Variants in DCLK3 observed in about 807,000 individuals in gnomAD.
DCLK3 encodes the protein serine/threonine-protein kinase DCLK3.
A neutral mutation model predicts 46.4 loss-of-function variants in DCLK3; 30 were observed. The observed-to-expected ratio is 0.65, with a 90% CI of 0.48 to 0.88. The LOEUF is 0.88. Ranked by LOEUF, DCLK3 falls within the 40% of genes least tolerant of loss-of-function variation. The pLI, the probability that DCLK3 is intolerant of heterozygous loss-of-function variation, is 0.00. For synonymous variants in DCLK3, 401 were observed against 339.2 expected, an observed-to-expected ratio of 1.18 and a Z score of -2.00; for missense variants, 846 against 907.1, an observed-to-expected ratio of 0.93 and a Z score of 0.87.
At position 36,738,875 on chromosome 3, in the gene DCLK3, T is replaced by C. The variant is rs1701308329; in HGVS notation, c.292A>G (p.Thr98Ala). The C allele has an allele frequency of 2.0e-6, 1 of 491,474 alleles. No individual in the cohort carries two copies. Among genetic ancestry groups the C allele is most frequent in the Admixed American group, 4.3e-5 (1 of 22,996 alleles). The allele number at this position is 491,474 out of a possible 1,614,324, so 30.4% of individuals were successfully genotyped here. A position where few individuals can be genotyped will look rare whatever the true frequency, so the allele number is the denominator to read the frequency against. ...CGCTGCCCACCCAGCTTCACTACGG[T>C]CACGACCCTGGGCTTCAGAGGGCTG... ...ENSPLKPRVV[T>A]VVKLGGQRPR... is the part of the protein sequence containing the mutation. Residue 98 changes from threonine to alanine, a missense_variant, in exon 2 of 5, where the codon ACC becomes GCC. By Grantham distance (58) the Thr-to-Ala change is moderately conservative (BLOSUM62 0). Around this residue, in one of 3 missense-constraint regions of DCLK3, gnomAD observed 553 missense variants for 543.0 expected, o/e 1.02. Transcript: ENST00000636136.
chr3:36,760,021 G>T (rs1211098584), intron 1 of DCLK3, among the ~76,000 whole-genome samples: 1 of 152,230 alleles, frequency 6.6e-6, no homozygotes, highest in Non-Finnish European at 1.5e-5. Flanking sequence ...GCAAGAGCAG[G>T]CAGTATTTGG....
intron 2 of DCLK3, among the ~76,000 whole-genome samples, chr3:36,726,646 G>T (rs1701128624): frequency 6.6e-6 from 1 of 152,162 alleles, no homozygotes; most frequent in South Asian, 2.1e-4. Flanking sequence ...GTTTCTGCCA[G>T]TGAGCTTACA....
In DCLK3 at chr3:36,764,348, C is replaced by G. The variant is rs1439541461; in HGVS notation, c.-85G>C. ...CGACGGTCGAGCAGGCGCGGGAAGG[C>G]GGGGCGAGACGAGCAGCCACGAGCC... On this transcript the variant is annotated 5_prime_UTR_variant, in exon 1 of 5. Transcript: ENST00000636136. The surrounding 1 kb of genome is among the most constrained non-coding windows in gnomAD (Gnocchi z 4.9). 1 of 193,544 alleles carries G rather than the reference C, an allele frequency of 5.2e-6. No individual in the cohort carries two copies. Among genetic ancestry groups the G allele is most frequent in the Non-Finnish European group, 1.0e-5 (1 of 96,532 alleles). 12.0% of individuals were successfully genotyped at this position (193,544 alleles called of 1,614,324 possible).
At chr3:36,729,314 G>A (rs1424543233) in intron 2 of DCLK3, among the ~76,000 whole-genome samples, 1 of 149,830 alleles carries the variant, frequency 6.7e-6, no homozygotes, top group Non-Finnish European at 1.5e-5. Context: ...ACATCTCCCT[G>A]TATCTCTTTT....
chr3:36,719,854 C>A (rs142371859), intron 3 of DCLK3, among the ~76,000 whole-genome samples: 1 of 152,354 alleles, frequency 6.6e-6, no homozygotes, highest in Non-Finnish European at 1.5e-5. Flanking sequence ...GGTGCTACCA[C>A]CAATATGTGG....
chr3:36,724,320 G>A (rs566912342), intron 2 of DCLK3, among the ~76,000 whole-genome samples: 31 of 152,354 alleles, frequency 2.0e-4, no homozygotes, highest in African/African-American at 6.0e-4. Context: ...TGTCTTGGAT[G>A]AGACTTTGGA....
In DCLK3 at chr3:36,764,148, A is replaced by C. The variant is rs1701564277; in HGVS notation, c.82+34T>G. ...TCCCGCCCCCGCCAAGGTGGCGCCC[A>C]GAACGGGTCGGTGCCGGAGCGCACG... is the stretch of plus-strand genomic sequence containing the variant. On this transcript the variant is annotated intron_variant, in intron 1 of 4. Transcript: ENST00000636136. The surrounding 1 kb of genome is among the most constrained non-coding windows in gnomAD (Gnocchi z 4.9). 1 of 328,972 alleles carries C rather than the reference A, an allele frequency of 3.0e-6. No individual in the cohort carries two copies. Among genetic ancestry groups the C allele is most frequent in the Non-Finnish European group, 5.5e-6 (1 of 180,646 alleles). The allele number at this position is 328,972 out of a possible 1,614,324, so 20.4% of individuals were successfully genotyped here.
intron 1 of DCLK3, among the ~76,000 whole-genome samples, chr3:36,740,402 G>A (rs577680385): frequency 7.3e-4 from 111 of 152,266 alleles, no homozygotes; most frequent in African/African-American, 2.5e-3. Context: ...CCCACATGAT[G>A]TGGTAGGTAT....
intron 1 of DCLK3, among the ~76,000 whole-genome samples, chr3:36,748,401 C>A (rs1701411197): frequency 6.6e-6 from 1 of 152,168 alleles, no homozygotes; most frequent in Non-Finnish European, 1.5e-5. Flanking sequence ...CTCTGGGACC[C>A]AGGTGACAAG....
chr3:36,719,467 G>A (rs1180494394), intron 3 of DCLK3, among the ~76,000 whole-genome samples: 10 of 152,148 alleles, frequency 6.6e-5, no homozygotes, highest in Admixed American at 6.5e-4. Flanking sequence ...TGTTGAGAGG[G>A]ATTGATTTTC....
At chr3:36,742,879 C>G (rs572603537) in intron 1 of DCLK3, among the ~76,000 whole-genome samples, 1 of 152,272 alleles carries the variant, frequency 6.6e-6, no homozygotes, top group South Asian at 2.1e-4. Flanking sequence ...GCTCATGCCC[C>G]AGGACAACTG....
intron 2 of DCLK3, among the ~76,000 whole-genome samples, chr3:36,723,777 G>T (rs971689008): frequency 6.6e-6 from 1 of 152,212 alleles, no homozygotes; most frequent in Non-Finnish European, 1.5e-5. Context: ...GGATGTCCAG[G>T]CAAAAGTTTG....
At chr3:36,754,460 C>A (rs1306647441) in intron 1 of DCLK3, among the ~76,000 whole-genome samples, 1 of 152,228 alleles carries the variant, frequency 6.6e-6, no homozygotes, top group Non-Finnish European at 1.5e-5. Context: ...CTGTCTTTAA[C>A]ATTACTGAAG....
chr3:36,731,786 G>A (rs1055003264), intron 2 of DCLK3, among the ~76,000 whole-genome samples: 8 of 152,114 alleles, frequency 5.3e-5, no homozygotes, highest in South Asian at 2.1e-4. Flanking sequence ...CCATGGCTGC[G>A]GACTCCTCAC....
chr3:36,718,486 G>A (rs1308439608), intron 3 of DCLK3, among the ~76,000 whole-genome samples: 2 of 152,208 alleles, frequency 1.3e-5, no homozygotes, highest in African/African-American at 4.8e-5. Context: ...AATTTAACAA[G>A]ACTGTGACGC....
At chr3:36,730,193 T>TACACACACACAC (rs55833576) in intron 2 of DCLK3, among the ~76,000 whole-genome samples, 1 of 143,064 alleles carries the variant, frequency 7.0e-6, no homozygotes, top group Non-Finnish European at 1.5e-5. Flanking sequence ...ACACCATATA[T>TACACACACACAC]ACACACACAC....
At chr3:36,742,184 A>G (rs1353605958) in intron 1 of DCLK3, among the ~76,000 whole-genome samples, 2 of 152,178 alleles carry the variant, frequency 1.3e-5, no homozygotes, top group Non-Finnish European at 2.9e-5. Context: ...CCAAATTACA[A>G]TAGGACCAGT....
chr3:36,737,392 G>C lies in DCLK3; in HGVS notation c.1775C>G (p.Thr592Arg). 1 of 1,614,202 alleles carries C rather than the reference G, an allele frequency of 6.2e-7. No homozygotes were observed. Among genetic ancestry groups the C allele is most frequent in the Non-Finnish European group, 8.5e-7 (1 of 1,180,034 alleles). Reference protein sequence around the residue: ...NIVKLHEVYETDMEIYLILEY... With the variant: ...NIVKLHEVYERDMEIYLILEY... ...CAGGATCAGGTAGATTTCCATGTCTGTTTCGTAGACTTCATGCAATTTCAC... is the reference window on the plus strand; with the variant it reads ...CAGGATCAGGTAGATTTCCATGTCTCTTTCGTAGACTTCATGCAATTTCAC... The change falls in exon 2 of 5, where the codon ACA becomes AGA. Residue 592 changes from threonine (T) to arginine (R), a missense_variant. Transcript: ENST00000636136. The surrounding 1 kb of genome is among the most constrained non-coding windows in gnomAD (Gnocchi z 4.4).
intron 4 of DCLK3, among the ~76,000 whole-genome samples, 185 bp from the exon 5 acceptor site, chr3:36,715,706 T>G (rs538953145): frequency 6.6e-6 from 1 of 152,344 alleles, no homozygotes; most frequent in Admixed American, 6.5e-5. Context: ...ACTATCTACC[T>G]GCGATTATTG....
Sources: gnomAD v4.1 joint callset for allele counts (sites outside exome capture counted in the v4.1 genomes callset) on GRCh38, gnomAD v4.1.1 for gene constraint, gnomAD v4.1.1 regional missense constraint, Gnocchi (gnomAD v3.1) non-coding constraint, MANE v1.5 for transcripts, NCBI Gene and HGNC (gene_info 2026-07-23, HGNC 2026-07-21) for gene names.